The following EFCAB6 variants were observed in gnomAD, a reference collection of about 807,000 sequenced individuals.
The protein encoded by EFCAB6 is EF-hand calcium-binding domain-containing protein 6.
In EFCAB6, 156 loss-of-function variants were observed where a neutral mutation model predicts 169.8. The observed-to-expected ratio is 0.92, with a 90% CI of 0.81 to 1.05. The LOEUF is 1.05. EFCAB6 is among the 50% of genes least tolerant of loss of function. The probability of loss-of-function intolerance (pLI) is 0.00; values close to 1 mark genes in which losing one functional copy is unlikely to be tolerated. For synonymous variants in EFCAB6, 698 were observed against 676.4 expected (o/e 1.03, Z -0.50); for missense variants, 1,800 against 1,829.1 (o/e 0.98, Z 0.29).
intron 6 of EFCAB6, among the ~76,000 whole-genome samples, chr22:43,740,488 C>A (rs188777539): frequency 1.6e-4 from 24 of 152,310 alleles, no homozygotes; most frequent in African/African-American, 5.5e-4. Flanking sequence ...CAGGACCAAT[C>A]CTGAGTGCAG....
At chr22:43,539,678 G>A (rs190335249) in intron 28 of EFCAB6, among the ~76,000 whole-genome samples, 8 of 152,278 alleles carry the variant, frequency 5.3e-5, no homozygotes, top group Admixed American at 4.6e-4. Flanking sequence ...AAATCAGGTC[G>A]CTCCACGTCT....
At chr22:43,546,627 T>G (rs923074417) in intron 27 of EFCAB6, among the ~76,000 whole-genome samples, 1 of 152,102 alleles carries the variant, frequency 6.6e-6, no homozygotes, top group Admixed American at 6.6e-5. Flanking sequence ...TCCCAGCACT[T>G]TGGGAGGCCA....
Position 43,705,034 on chromosome 22 carries a change from A to G in EFCAB6, c.1031+6441T>C, listed in dbSNP as rs561531412. Reference sequence around the variant, plus strand: ...CATAGACTGAAAGTAAAGGGATGAAAAAAGATATTCCATGCAAATGGAAAC... The same window carrying G: ...CATAGACTGAAAGTAAAGGGATGAAGAAAGATATTCCATGCAAATGGAAAC... On this transcript the variant is annotated intron_variant, in intron 10 of 31. Coordinates refer to ENST00000262726, the MANE Select transcript of EFCAB6 (RefSeq NM_022785.4). Among the ~76,000 whole-genome samples the G allele has an allele frequency of 2.6e-5, 4 of 152,144 alleles. No homozygotes were observed. In the South Asian group the frequency reaches 6.2e-4, roughly 24 times the overall value.
At chr22:43,785,015 C>G (rs1376669947) in intron 2 of EFCAB6, among the ~76,000 whole-genome samples, 1 of 151,974 alleles carries the variant, frequency 6.6e-6, no homozygotes, top group African/African-American at 2.4e-5. Flanking sequence ...ATGCACCTAA[C>G]AAGAGCCCCA....
intron 2 of EFCAB6, among the ~76,000 whole-genome samples, chr22:43,784,198 A>T (rs1328402045): frequency 6.6e-6 from 1 of 152,174 alleles, no homozygotes; most frequent in East Asian, 1.9e-4. Context: ...TGAAATATTT[A>T]ACGTGTTGAA....
chr22:43,784,909 AGAAAAT>A (rs371819211), intron 2 of EFCAB6, among the ~76,000 whole-genome samples: 4 of 151,630 alleles, frequency 2.6e-5, no homozygotes, highest in African/African-American at 9.7e-5. Context: ...AAGAAACAAA[AGAAAAT>A]GAAAGAAAGA....
At chr22:43,616,318 A>T (rs770029623) in intron 20 of EFCAB6, among the ~76,000 whole-genome samples, 4 of 152,244 alleles carry the variant, frequency 2.6e-5, no homozygotes, top group Non-Finnish European at 5.9e-5. Context: ...GTTGAGAAAC[A>T]TTGGGGGAAC....
chr22:43,738,380 TCA>T (rs66471986), intron 6 of EFCAB6, among the ~76,000 whole-genome samples: 114,012 of 151,134 alleles, frequency 0.75, 43,082 homozygotes, highest in East Asian at 0.86. Context: ...ACACATATAT[TCA>T]CACACACATG....
At chr22:43,787,249 A>G (rs2062110826) in intron 2 of EFCAB6, among the ~76,000 whole-genome samples, 1 of 152,130 alleles carries the variant, frequency 6.6e-6, no homozygotes, top group African/African-American at 2.4e-5. Flanking sequence ...AAAGGTATCC[A>G]TATTGGAGAC....
intron 5 of EFCAB6, among the ~76,000 whole-genome samples, chr22:43,757,506 C>T (rs942400072): frequency 5.3e-5 from 8 of 152,168 alleles, no homozygotes; most frequent in African/African-American, 1.9e-4. Flanking sequence ...GAGATCACAC[C>T]GTTGCACTCC....
rs182278064 is a variant in EFCAB6 at position 43,613,930 on chromosome 22, C to A, written c.2562+1896G>T. 8.3e-4 allele frequency among the ~76,000 whole-genome samples: 126 copies of A among 152,016 alleles called. No individual in the cohort carries two copies. In the East Asian group the frequency reaches 0.023, roughly 28 times the overall value. ...CCACTTGAAGCCAGGAATTCCAAAC[C>A]AGCCTGGTCTTATTTGCAAGAGCTC... On this transcript the variant is annotated intron_variant, in intron 21 of 31. Coordinates refer to ENST00000262726, the MANE Select transcript of EFCAB6 (RefSeq NM_022785.4).
chr22:43,617,576 G>T (rs1028979910), intron 20 of EFCAB6, among the ~76,000 whole-genome samples: 1 of 152,186 alleles, frequency 6.6e-6, no homozygotes, highest in Non-Finnish European at 1.5e-5. Context: ...GAGATCAGGA[G>T]GTTTTCTGGT....
In EFCAB6 at chr22:43,671,096, G is replaced by C. The variant is rs901749858; in HGVS notation, c.1640+877C>G. Among the ~76,000 whole-genome samples, 73 of 152,372 alleles carry C rather than the reference G, an allele frequency of 4.8e-4. 2 individuals are homozygous for C. Among genetic ancestry groups the C allele is most frequent in the Non-Finnish European group, 1.2e-4 (8 of 68,028 alleles). Reference sequence around the variant, plus strand: ...GCTGCACAGTCTCAGCTCCTGAGAGGTGAGAGGCTGGTGGAGGGCCTGTGA... The same window carrying C: ...GCTGCACAGTCTCAGCTCCTGAGAGCTGAGAGGCTGGTGGAGGGCCTGTGA... On this transcript the variant is annotated intron_variant, in intron 15 of 31. Transcript: ENST00000262726.
At chr22:43,722,644 T>G (rs894394788) in intron 8 of EFCAB6, among the ~76,000 whole-genome samples, 7 of 152,190 alleles carry the variant, frequency 4.6e-5, no homozygotes, top group African/African-American at 1.7e-4. Context: ...GAAAGCAGTT[T>G]GGAGATTTCT....
chr22:43,803,806 A>G (rs1406311105), intron 2 of EFCAB6, among the ~76,000 whole-genome samples: 1 of 152,242 alleles, frequency 6.6e-6, no homozygotes, highest in African/African-American at 2.4e-5. Context: ...CCATTAAACT[A>G]CAGACTAGAC....
intron 26 of EFCAB6, among the ~76,000 whole-genome samples, chr22:43,558,359 A>T (rs951186154): frequency 1.3e-5 from 2 of 152,192 alleles, no homozygotes; most frequent in African/African-American, 4.8e-5. Context: ...AAGCAATTGA[A>T]TACCTCTGGA....
At chr22:43,530,485 T>G (rs1470809404) in intron 31 of EFCAB6, 3 of 973,164 alleles carry the variant, frequency 3.1e-6, no homozygotes, top group African/African-American at 3.5e-5. Flanking sequence ...AGAGCCCAGG[T>G]GTGGGGAGAG....
chr22:43,724,228 G>GGATACAATGCACACACACCCACT (rs2059638900), intron 8 of EFCAB6, among the ~76,000 whole-genome samples: 1 of 152,048 alleles, frequency 6.6e-6, no homozygotes, highest in Non-Finnish European at 1.5e-5. Context: ...ACCACCCTAT[G>GGATACAATGCACACACACCCACT]GCATGGATAC....
At chr22:43,544,915 G>A (rs543491779) in intron 27 of EFCAB6, among the ~76,000 whole-genome samples, 2 of 152,056 alleles carry the variant, frequency 1.3e-5, no homozygotes, top group African/African-American at 4.8e-5. Flanking sequence ...GAGGTCAGGA[G>A]ATCGAGACCA....
Sources: allele counts gnomAD v4.1 joint callset (sites outside exome capture counted in the v4.1 genomes callset), GRCh38; gene constraint gnomAD v4.1.1; transcripts MANE v1.5; gene names NCBI Gene and HGNC (gene_info 2026-07-23, HGNC 2026-07-21).